Variants in CSMD3 observed in about 807,000 individuals in gnomAD.
CSMD3 encodes the protein CUB and sushi domain-containing protein 3.
In CSMD3, 177 loss-of-function variants were observed where a neutral mutation model predicts 435.2. The observed-to-expected ratio is 0.41, with a 90% CI of 0.36 to 0.46. CSMD3 has a LOEUF of 0.46. CSMD3 is among the 20% of genes least tolerant of loss of function. CSMD3 has a pLI of 0.34. For missense variants in CSMD3, 4,265 were observed against 4,504.6 expected (o/e 0.95, Z 1.52); for synonymous variants, 1,656 against 1,520.5 (o/e 1.09, Z -2.07).
At chr8:112,455,393 C>T (rs115700065) in intron 32 of CSMD3, among the ~76,000 whole-genome samples, 1,574 of 151,710 alleles carry the variant, frequency 0.01, 31 homozygotes, top group African/African-American at 0.036. Flanking sequence ...GCAGTGGGTA[C>T]ACATGGACAG....
At chr8:112,389,665 A>G (rs1014724705) in intron 36 of CSMD3, among the ~76,000 whole-genome samples, 2 of 152,196 alleles carry the variant, frequency 1.3e-5, no homozygotes, top group Admixed American at 6.5e-5. Flanking sequence ...TTCATTATTA[A>G]TGCATGGCAT....
chr8:113,378,403 G>C (rs2094399155), intron 1 of CSMD3, among the ~76,000 whole-genome samples: 1 of 152,140 alleles, frequency 6.6e-6, no homozygotes, highest in African/African-American at 2.4e-5. Context: ...ATATAGTCTA[G>C]TTGAGGAGGT....
chr8:113,251,555 C>G (rs764613657), intron 3 of CSMD3, among the ~76,000 whole-genome samples: 35 of 151,756 alleles, frequency 2.3e-4, no homozygotes, highest in Middle Eastern at 6.8e-3. Context: ...AAAAAAAAAT[C>G]CTTAAATCTT....
At chr8:112,252,596 A>G (rs983899743) in intron 63 of CSMD3, among the ~76,000 whole-genome samples, 111 of 151,342 alleles carry the variant, frequency 7.3e-4, no homozygotes, top group African/African-American at 2.4e-3. Flanking sequence ...ATTCATCAAT[A>G]AATTAGTATT....
chr8:113,204,649 C>T (rs2092751161), intron 3 of CSMD3, among the ~76,000 whole-genome samples: 1 of 152,094 alleles, frequency 6.6e-6, no homozygotes, highest in African/African-American at 2.4e-5. Context: ...AAGCTCCATT[C>T]ATGGTAAGTG....
intron 23 of CSMD3, among the ~76,000 whole-genome samples, chr8:112,580,809 C>G (rs1451410229): frequency 6.6e-6 from 1 of 152,106 alleles, no homozygotes; most frequent in East Asian, 1.9e-4. Context: ...ACAGATAATG[C>G]CCTAGGACAA....
intron 2 of CSMD3, among the ~76,000 whole-genome samples, chr8:113,302,299 AAT>A (rs1325804383): frequency 1.2e-3 from 8 of 6,740 alleles, no homozygotes; most frequent in African/African-American, 9.7e-3. Context: ...AATATAATAT[AAT>A]ATATATATTA....
chr8:113,303,712 T>G (rs1383315961), intron 2 of CSMD3, among the ~76,000 whole-genome samples: 5 of 135,438 alleles, frequency 3.7e-5, no homozygotes, highest in African/African-American at 1.1e-4. Context: ...TAGCCATATG[T>G]AGAAAGCTGA....
At chr8:112,757,200 T>C (rs923956081) in intron 13 of CSMD3, among the ~76,000 whole-genome samples, 3 of 152,188 alleles carry the variant, frequency 2.0e-5, no homozygotes, top group African/African-American at 2.4e-5. Context: ...TGGATAATAA[T>C]GCAACACATT....
In CSMD3 at chr8:113,391,244, GGAAC is replaced by G. The variant is rs1350674465; in HGVS notation, c.178+45429_178+45432del. On this transcript the variant is annotated intron_variant, in intron 1 of 70. Coordinates refer to ENST00000297405, the MANE Select transcript of CSMD3 (RefSeq NM_198123.2). The stretch of plus-strand genomic sequence containing the variant: ...TGAAACAAAAGTTGACCTAGATGGA[GGAAC>G]TAAGAATAGGCACTACTTACACACA... Among the ~76,000 whole-genome samples, 5 of 152,076 alleles carry G rather than the reference GGAAC, an allele frequency of 3.3e-5. No individual in the cohort carries two copies. The East Asian group carries it at 7.7e-4, about 24-fold the overall frequency.
At chr8:112,514,242 C>G (rs1321904798) in intron 28 of CSMD3, among the ~76,000 whole-genome samples, 2 of 152,004 alleles carry the variant, frequency 1.3e-5, no homozygotes, top group Non-Finnish European at 2.9e-5. Flanking sequence ...TTTTGAAAAC[C>G]TACGAAAGCC....
At chr8:112,488,039 A>G (rs988928780) in intron 31 of CSMD3, among the ~76,000 whole-genome samples, 1 of 152,172 alleles carries the variant, frequency 6.6e-6, no homozygotes, top group African/African-American at 2.4e-5. Flanking sequence ...CTATTATTTA[A>G]TATATATGAC....
intron 32 of CSMD3, among the ~76,000 whole-genome samples, chr8:112,431,576 C>T (rs1244301675): frequency 3.3e-5 from 5 of 151,974 alleles, no homozygotes; most frequent in African/African-American, 1.2e-4. Flanking sequence ...TTAGAGAGGT[C>T]GAGCTTGAAC....
intron 1 of CSMD3, among the ~76,000 whole-genome samples, chr8:113,387,465 A>T (rs564198282): frequency 6.6e-4 from 101 of 151,928 alleles, no homozygotes; most frequent in African/African-American, 2.4e-3. Context: ...ACAAAGATAA[A>T]TAAGATAAAA....
chr8:112,957,317 G>A (rs1013019049), intron 7 of CSMD3, among the ~76,000 whole-genome samples: 1 of 152,094 alleles, frequency 6.6e-6, no homozygotes, highest in Non-Finnish European at 1.5e-5. Context: ...TTATTGTAGA[G>A]TTAATGTTAA....
intron 3 of CSMD3, among the ~76,000 whole-genome samples, chr8:113,217,366 T>C (rs1354726555): frequency 1.3e-5 from 2 of 151,040 alleles, no homozygotes; most frequent in African/African-American, 4.9e-5. Flanking sequence ...TCAGACAAAA[T>C]AGGATTCAAC....
intron 3 of CSMD3, among the ~76,000 whole-genome samples, chr8:113,206,504 G>A (rs895694852): frequency 1.3e-5 from 2 of 151,574 alleles, no homozygotes; most frequent in Non-Finnish European, 2.9e-5. Context: ...TTTCTGTCTC[G>A]ATGATTCCTT....
chr8:112,982,681 T>C (rs1341673181), intron 6 of CSMD3, among the ~76,000 whole-genome samples: 1 of 151,990 alleles, frequency 6.6e-6, no homozygotes, highest in Admixed American at 6.6e-5. Context: ...ATTAATATCA[T>C]TTGAAAGCAG....
chr8:112,546,173 G>A (rs1307307796), intron 27 of CSMD3, among the ~76,000 whole-genome samples: 1 of 152,210 alleles, frequency 6.6e-6, no homozygotes, highest in African/African-American at 2.4e-5. Context: ...ATAGTGAGGA[G>A]TGAAGCTGGC....
Sources: gnomAD v4.1 joint callset for allele counts (sites outside exome capture counted in the v4.1 genomes callset) on GRCh38, gnomAD v4.1.1 for gene constraint, MANE v1.5 for transcripts, NCBI Gene and HGNC (gene_info 2026-07-23, HGNC 2026-07-21) for gene names.